The following SH3PXD2A variants were observed in gnomAD, a reference collection of about 807,000 sequenced individuals.
The protein encoded by SH3PXD2A is SH3 and PX domain-containing protein 2A.
In SH3PXD2A, 32 loss-of-function variants were observed where a neutral mutation model predicts 115.2. The ratio of observed to expected loss-of-function variants is 0.28; its 90% CI spans 0.21 to 0.37. The LOEUF is 0.37. Among genes scored for constraint, SH3PXD2A ranks in the 10% least tolerant of loss-of-function variants. The pLI is 1.00. For synonymous variants in SH3PXD2A, 610 were observed against 629.1 expected (o/e 0.97, Z 0.45); for missense variants, 1,328 against 1,498.7 (o/e 0.89, Z 1.88).
chr10:103,766,381 G>A (rs1589446539), intron 3 of SH3PXD2A, among the ~76,000 whole-genome samples: 1 of 152,328 alleles, frequency 6.6e-6, no homozygotes, highest in South Asian at 2.1e-4. Context: ...GCCAGACATG[G>A]ACCAGGAGGC....
intron 13 of SH3PXD2A, among the ~76,000 whole-genome samples, chr10:103,607,249 C>G (rs2036329628): frequency 6.6e-6 from 1 of 151,064 alleles, no homozygotes; most frequent in Admixed American, 6.6e-5. Context: ...TGAGGAGACT[C>G]TCCGCCTGGC....
At chr10:103,710,860 A>AC (rs1205123481) in intron 5 of SH3PXD2A, among the ~76,000 whole-genome samples, 1 of 151,960 alleles carries the variant, frequency 6.6e-6, no homozygotes, top group Non-Finnish European at 1.5e-5. Flanking sequence ...ACATAGCAAG[A>AC]CCCAATGTCT....
chr10:103,603,748 G>C lies in SH3PXD2A; in HGVS notation c.1470C>G (p.Ile490Met). ...KNSGGWWYVQ[I>M]GEKEGWAPAS... ...CGGGGGCCCAGCCCTCCTTCTCACC[G>C]ATCTGCACGTACCACCAGCCACCTG... The change falls in exon 15 of 15, where the codon ATC becomes ATG. Residue 490 changes from isoleucine to methionine, a missense_variant. Ile to Met is a conservative substitution (Grantham distance 10, BLOSUM62 1). Transcript: ENST00000369774. The C allele has an allele frequency of 1.2e-6, 2 of 1,610,736 alleles. No individual in the cohort carries two copies. The highest frequency in any genetic ancestry group is 1.7e-6 in the Non-Finnish European group (2 of 1,179,914).
intron 3 of SH3PXD2A, among the ~76,000 whole-genome samples, chr10:103,766,261 AG>A (rs2038753342): frequency 6.6e-6 from 1 of 152,226 alleles, no homozygotes; most frequent in Non-Finnish European, 1.5e-5. Context: ...GTGCAGGTCC[AG>A]GGCCAGTCTG....
At position 103,773,744 on chromosome 10, in the gene SH3PXD2A, TTTTC is replaced by T. The variant is rs1163699454; in HGVS notation, c.154-6579_154-6576del. Reference sequence around the variant, plus strand: ...GTGTGAGCTACTGTGCCCAGCCTTCTTTTCTTTCTTTGAGACAGGGTCGAGCTTT... The same window carrying T: ...GTGTGAGCTACTGTGCCCAGCCTTCTTTTCTTTGAGACAGGGTCGAGCTTT... On this transcript the variant is annotated intron_variant, in intron 2 of 14. Transcript: ENST00000369774. Among the ~76,000 whole-genome samples, 5 of 152,264 alleles carry T rather than the reference TTTTC, an allele frequency of 3.3e-5. No homozygotes were observed. The South Asian group carries it at 8.3e-4, about 25-fold the overall frequency.
intron 14 of SH3PXD2A, 92 bp downstream of exon 14, chr10:103,605,706 A>G: frequency 6.6e-7 from 1 of 1,519,120 alleles, no homozygotes; most frequent in Non-Finnish European, 9.1e-7. Flanking sequence ...CCTGCCCCTC[A>G]GGAATCTTAC....
intron 1 of SH3PXD2A, among the ~76,000 whole-genome samples, chr10:103,841,862 C>T (rs1024352532): frequency 3.3e-5 from 5 of 152,190 alleles, no homozygotes; most frequent in Non-Finnish European, 7.3e-5. Flanking sequence ...CAGTGGCTCA[C>T]GCCTGTAATC....
intron 13 of SH3PXD2A, among the ~76,000 whole-genome samples, chr10:103,606,591 C>T (rs994618471): frequency 6.6e-6 from 1 of 151,948 alleles, no homozygotes; most frequent in African/African-American, 2.4e-5. Context: ...CTGCAACCTC[C>T]CTGCCTGATT....
chr10:103,808,840 C>G (rs1171809887), intron 1 of SH3PXD2A, among the ~76,000 whole-genome samples: 3 of 152,198 alleles, frequency 2.0e-5, no homozygotes, highest in African/African-American at 7.2e-5. Context: ...CCGAGGCTCA[C>G]TAGGCCTGCC....
rs1311396538 is a variant in SH3PXD2A at position 103,804,557 on chromosome 10, C to T, written c.73-3195G>A. ...CAGGATGGTCTCGATCTTCTCACCT[C>T]GTGATCTGCTTGCCTCAGCCTCCCA... On this transcript the variant is annotated intron_variant, in intron 1 of 14. Coordinates refer to ENST00000369774, the MANE Select transcript of SH3PXD2A (RefSeq NM_001394015.1). 4.6e-5 allele frequency among the ~76,000 whole-genome samples: 7 copies of T among 152,034 alleles called. No homozygotes were observed. In the South Asian group the frequency reaches 8.3e-4, roughly 18 times the overall value.
rs1181737080 is a variant in SH3PXD2A, at chr10:103,845,224, G to A, written c.72+9971C>T. 4.0e-5 allele frequency among the ~76,000 whole-genome samples: 6 copies of A among 150,930 alleles called. No homozygotes were observed. The East Asian group carries it at 7.7e-4, about 19-fold the overall frequency. ...TGTGCGCCTGTAATACCAGCTACTC[G>A]GGAAGCCGAGGCACGAGAATCACTT... On this transcript the variant is annotated intron_variant, in intron 1 of 14. Coordinates refer to ENST00000369774, the MANE Select transcript of SH3PXD2A (RefSeq NM_001394015.1).
At chr10:103,813,694 T>C (rs2039294643) in intron 1 of SH3PXD2A, among the ~76,000 whole-genome samples, 1 of 152,188 alleles carries the variant, frequency 6.6e-6, no homozygotes, top group Non-Finnish European at 1.5e-5. Flanking sequence ...AATTGAGTCC[T>C]CTTAGCCAGT....
chr10:103,725,097 T>C (rs1564873752), intron 4 of SH3PXD2A, among the ~76,000 whole-genome samples: 1 of 152,192 alleles, frequency 6.6e-6, no homozygotes, highest in Non-Finnish European at 1.5e-5. Context: ...ATGTGGAAGA[T>C]GGGGAGCCAG....
intron 5 of SH3PXD2A, among the ~76,000 whole-genome samples, chr10:103,701,526 C>T (rs887737090): frequency 8.0e-5 from 12 of 150,826 alleles, no homozygotes; most frequent in African/African-American, 2.2e-4. Context: ...CATCATCCAT[C>T]CATCCACCAT....
chr10:103,634,342 G>T (rs147468955), intron 8 of SH3PXD2A, among the ~76,000 whole-genome samples: 3 of 152,260 alleles, frequency 2.0e-5, no homozygotes, highest in African/African-American at 7.2e-5. Context: ...GTCTGCACAT[G>T]TGTGTATCAC....
intron 2 of SH3PXD2A, among the ~76,000 whole-genome samples, chr10:103,793,504 T>G (rs115509506): frequency 0.022 from 3,277 of 152,344 alleles, 130 homozygotes; most frequent in African/African-American, 0.073. Flanking sequence ...GATGGTCTTT[T>G]AGGCTGTTTC....
chr10:103,769,812 A>G (rs1434490080), intron 2 of SH3PXD2A, among the ~76,000 whole-genome samples: 1 of 152,218 alleles, frequency 6.6e-6, no homozygotes, highest in Non-Finnish European at 1.5e-5. Flanking sequence ...ACTGGGCCAT[A>G]ACACTCTAAA....
chr10:103,775,230 A>T (rs1423746309), intron 2 of SH3PXD2A, among the ~76,000 whole-genome samples: 1 of 151,872 alleles, frequency 6.6e-6, no homozygotes, highest in African/African-American at 2.4e-5. Flanking sequence ...GTCTTCTTTG[A>T]CCATTTTCTG....
Position 103,696,522 on chromosome 10 carries a change from A to G in SH3PXD2A, c.399-3466T>C, listed in dbSNP as rs572196418. ...CTCTTCCCATCAGTCCCCTTCTCCA[A>G]TCCACACTCCGTCCTTGCTCCAAGT... On this transcript the variant is annotated intron_variant, in intron 5 of 14. Coordinates refer to ENST00000369774, the MANE Select transcript of SH3PXD2A (RefSeq NM_001394015.1). Among the ~76,000 whole-genome samples, 3 of 151,970 alleles carry G rather than the reference A, an allele frequency of 2.0e-5. No homozygotes were observed. The East Asian group carries it at 5.8e-4, about 30-fold the overall frequency.
Sources: allele counts gnomAD v4.1 joint callset (sites outside exome capture counted in the v4.1 genomes callset), GRCh38; gene constraint gnomAD v4.1.1; transcripts MANE v1.5; gene names NCBI Gene and HGNC (gene_info 2026-07-23, HGNC 2026-07-21).